Variants in UBE2E3 observed in about 807,000 individuals in gnomAD.
UBE2E3 encodes ubiquitin conjugating enzyme E2 E3, also known as ubiquitin-conjugating enzyme E2 E3.
In UBE2E3, 5 loss-of-function variants were observed where a neutral mutation model predicts 23.6. That is an observed-to-expected ratio of 0.21 (90% CI 0.11 to 0.44). The LOEUF is 0.44. Ranked by LOEUF, UBE2E3 falls within the 20% of genes least tolerant of loss-of-function variation. The pLI is 0.99. For missense variants in UBE2E3, 81 were observed against 249.8 expected (o/e 0.32, Z 4.55); for synonymous variants, 78 against 87.5 (o/e 0.89, Z 0.60).
At chr2:181,024,831 AT>A (rs1256965355) in intron 3 of UBE2E3, among the ~76,000 whole-genome samples, 19 of 151,472 alleles carry the variant, frequency 1.3e-4, no homozygotes, top group Non-Finnish European at 1.6e-4. Flanking sequence ...TGAAATAAGG[AT>A]TTTTTTTTAA....
chr2:181,050,006 C>A (rs1363291535), intron 3 of UBE2E3, among the ~76,000 whole-genome samples: 1 of 151,926 alleles, frequency 6.6e-6, no homozygotes, highest in African/African-American at 2.4e-5. Flanking sequence ...AAAAATCTTA[C>A]TTTCAGGCAT....
chr2:180,987,398 C>T (rs1431943179), intron 3 of UBE2E3: 1 of 1,549,654 alleles, frequency 6.5e-7, no homozygotes, highest in Non-Finnish European at 8.7e-7. Context: ...TAGAAAGGTA[C>T]TGGATTTCTA....
chr2:180,982,066 C>G lies in UBE2E3; in HGVS notation c.24C>G (p.Ser8=). The G allele has an allele frequency of 1.6e-5, 25 of 1,604,740 alleles. No homozygotes were observed. The highest frequency in any genetic ancestry group is 2.1e-5 in the Non-Finnish European group (25 of 1,177,024). The stretch of plus-strand genomic sequence containing the variant: ...AGATGTCCAGTGATAGGCAAAGGTC[C>G]GATGATGAGAGCCCCAGCACCAGCA... MSSDRQR[S]DDESPSTSSG... The change falls in exon 2 of 6, where the codon TCC becomes TCG. Residue 8 remains serine, a synonymous_variant. Coordinates refer to ENST00000410062, the MANE Select transcript of UBE2E3 (RefSeq NM_006357.4).
At chr2:180,981,102 G>C (rs1438841710) in intron 1 of UBE2E3, 129 bp downstream of exon 1, 4 of 146,538 alleles carry the variant, frequency 2.7e-5, no homozygotes, top group African/African-American at 9.8e-5. Flanking sequence ...GAGCCGCGGC[G>C]GGGCCGGCTG....
At position 181,027,171 on chromosome 2, in the gene UBE2E3, C is replaced by T. The variant is rs1411495285; in HGVS notation, c.246-30522C>T. Reference sequence around the variant, plus strand: ...CTACAGCCATTTAAATAAAAGGTCTCTATTTTATGACTTATGTGAATTTCG... The same window carrying T: ...CTACAGCCATTTAAATAAAAGGTCTTTATTTTATGACTTATGTGAATTTCG... On this transcript the variant is annotated intron_variant, in intron 3 of 5. Transcript: ENST00000410062. 2.0e-5 allele frequency among the ~76,000 whole-genome samples: 3 copies of T among 151,920 alleles called. No individual in the cohort carries two copies. In the South Asian group the frequency reaches 6.2e-4, roughly 32 times the overall value.
intron 3 of UBE2E3, among the ~76,000 whole-genome samples, chr2:181,033,902 T>G (rs113365767): frequency 3.3e-5 from 5 of 152,074 alleles, no homozygotes; most frequent in African/African-American, 4.8e-5. Context: ...AAGACATTTA[T>G]GCAGCCAAAA....
intron 3 of UBE2E3, among the ~76,000 whole-genome samples, chr2:181,022,747 A>T (rs1307721193): frequency 2.6e-5 from 4 of 152,138 alleles, no homozygotes; most frequent in African/African-American, 9.7e-5. Flanking sequence ...AACAAAAAAA[A>T]AACCCCACAG....
intron 3 of UBE2E3, among the ~76,000 whole-genome samples, chr2:181,038,932 G>T (rs1264061690): frequency 6.6e-6 from 1 of 152,206 alleles, no homozygotes; most frequent in South Asian, 2.1e-4. Context: ...GATGAGGAAG[G>T]ATGTGTAGCC....
At chr2:181,002,175 ATGTTTT>A (rs1271876478) in intron 3 of UBE2E3, among the ~76,000 whole-genome samples, 1 of 146,070 alleles carries the variant, frequency 6.8e-6, no homozygotes, top group African/African-American at 2.5e-5. Flanking sequence ...CACATCTGGA[ATGTTTT>A]AATGGATTTC....
intron 3 of UBE2E3, among the ~76,000 whole-genome samples, chr2:181,013,149 A>C (rs927196713): frequency 3.3e-5 from 5 of 152,242 alleles, no homozygotes; most frequent in Non-Finnish European, 7.4e-5. Context: ...TTAAATTGCA[A>C]ATATGTTAAT....
At chr2:181,016,882 A>T (rs1373552459) in intron 3 of UBE2E3, among the ~76,000 whole-genome samples, 1 of 152,224 alleles carries the variant, frequency 6.6e-6, no homozygotes, top group Non-Finnish European at 1.5e-5. Flanking sequence ...GGGTGGATAT[A>T]TATGAAAGAT....
intron 3 of UBE2E3, among the ~76,000 whole-genome samples, chr2:181,003,809 C>T (rs146884512): frequency 9.7e-4 from 147 of 152,298 alleles, no homozygotes; most frequent in African/African-American, 3.5e-3. Flanking sequence ...AATATGATTT[C>T]AAATGCATTA....
In UBE2E3 at chr2:181,029,025, GGTAGTA is replaced by G. The variant is rs950661819; in HGVS notation, c.246-28665_246-28660del. ...GGAATTGATTCTTTGAAAAGGGTAA[GGTAGTA>G]GTCCAATTTCATTTTTCTCCATATG... On this transcript the variant is annotated intron_variant, in intron 3 of 5. Coordinates refer to ENST00000410062, the MANE Select transcript of UBE2E3 (RefSeq NM_006357.4). Among the ~76,000 whole-genome samples the G allele has an allele frequency of 3.9e-5, 6 of 152,100 alleles. 1 individual carries two copies. The highest frequency in any genetic ancestry group is 2.6e-4 in the Admixed American group (4 of 15,280).
intron 3 of UBE2E3, among the ~76,000 whole-genome samples, chr2:180,999,978 T>C (rs1011350647): frequency 1.3e-5 from 2 of 152,224 alleles, no homozygotes; most frequent in African/African-American, 4.8e-5. Context: ...TAACAAGATA[T>C]ACTTTTGAAA....
chr2:181,049,012 C>A (rs1447060393), intron 3 of UBE2E3, among the ~76,000 whole-genome samples: 1 of 151,998 alleles, frequency 6.6e-6, no homozygotes, highest in African/African-American at 2.4e-5. Context: ...CAGTAGAACT[C>A]AGCTGAGAGA....
At chr2:181,040,277 G>A (rs1344453327) in intron 3 of UBE2E3, among the ~76,000 whole-genome samples, 1 of 152,124 alleles carries the variant, frequency 6.6e-6, no homozygotes, top group Non-Finnish European at 1.5e-5. Flanking sequence ...GTCCTTCCAC[G>A]GGACATTGAC....
At chr2:181,021,020 G>A (rs139115263) in intron 3 of UBE2E3, among the ~76,000 whole-genome samples, 1 of 152,138 alleles carries the variant, frequency 6.6e-6, no homozygotes, top group Non-Finnish European at 1.5e-5. Context: ...TGATGAAAGG[G>A]TTATTACATA....
intron 3 of UBE2E3, among the ~76,000 whole-genome samples, chr2:181,048,419 T>C (rs1686734383): frequency 6.6e-6 from 1 of 152,172 alleles, no homozygotes; most frequent in South Asian, 2.1e-4. Context: ...TAAATACTTT[T>C]TTTGATTCAA....
At chr2:180,988,309 A>G (rs912995524) in intron 3 of UBE2E3, among the ~76,000 whole-genome samples, 6 of 152,150 alleles carry the variant, frequency 3.9e-5, no homozygotes, top group Non-Finnish European at 8.8e-5. Context: ...ATAATTGAGT[A>G]CAAGTACATA....
Sources: allele counts gnomAD v4.1 joint callset (sites outside exome capture counted in the v4.1 genomes callset), GRCh38; gene constraint gnomAD v4.1.1; transcripts MANE v1.5; gene names NCBI Gene and HGNC (gene_info 2026-07-23, HGNC 2026-07-21).